The following KBTBD11 variants were observed in gnomAD, a reference collection of about 807,000 sequenced individuals.
The protein encoded by KBTBD11 is kelch repeat and BTB domain-containing protein 11.
For missense variants in KBTBD11, 1,390 were observed against 1,001.8 expected (o/e 1.39, Z -5.23); for synonymous variants, 747 against 499.0 (o/e 1.50, Z -6.63).
intron 1 of KBTBD11, among the ~76,000 whole-genome samples, chr8:1,997,513 T>C (rs1473335269): frequency 6.6e-6 from 1 of 152,258 alleles, no homozygotes; most frequent in Non-Finnish European, 1.5e-5. Flanking sequence ...ACGTCCATTC[T>C]GCAGGGAGAC....
Position 2,001,233 on chromosome 8 carries a change from C to G in KBTBD11, c.41C>G (p.Thr14Ser), listed in dbSNP as rs1470480135. Residue 14 changes from threonine to serine, a missense_variant, in exon 2 of 2, where the codon ACT becomes AGT. By Grantham distance (58) the Thr-to-Ser change is moderately conservative. Coordinates refer to ENST00000320248, the MANE Select transcript of KBTBD11 (RefSeq NM_014867.3). ...GCCCCCTGCGTCCTCTACCCAGGGA[C>G]TGAGCCCGGGGCTGCCGGGGAGAGC... is the stretch of plus-strand genomic sequence containing the variant. ...AVAPCVLYPG[T>S]EPGAAGESES... 2 of 1,475,618 alleles carry G rather than the reference C, an allele frequency of 1.4e-6. No homozygotes were observed. Among genetic ancestry groups the G allele is most frequent in the South Asian group, 1.3e-5 (1 of 76,966 alleles). The allele number at this position is 1,475,618 out of a possible 1,614,324, so 91.4% of individuals were successfully genotyped here.
In KBTBD11 at chr8:1,988,371, C is replaced by T. The variant is rs192530304; in HGVS notation, c.-908-11914C>T. ...CAACAGTGTAAAAGCGTTCCTGTTT[C>T]TCCACATCCTCTCCAGCACCTGTTG... is the stretch of plus-strand genomic sequence containing the variant. On this transcript the variant is annotated intron_variant, in intron 1 of 1. Coordinates refer to ENST00000320248, the MANE Select transcript of KBTBD11 (RefSeq NM_014867.3). 2.2e-3 allele frequency among the ~76,000 whole-genome samples: 330 copies of T among 152,336 alleles called. 2 individuals carry two copies. Among genetic ancestry groups the T allele is most frequent in the South Asian group, 0.02 (98 of 4,818 alleles).
rs1337787423 is a variant in KBTBD11, at chr8:2,006,123, G to C, written c.*3059G>C. The C allele has an allele frequency of 6.0e-6, 1 of 167,032 alleles. No individual in the cohort carries two copies. The allele number at this position is 167,032 out of a possible 1,614,324, so 10.3% of individuals were successfully genotyped here. A position where few individuals can be genotyped will look rare whatever the true frequency, so the allele number is the denominator to read the frequency against. ...TTCTTTGGCTACTTAACTAAAACTC[G>C]TGACTGTATAAGTTTGGCTACAAAT... On this transcript the variant is annotated 3_prime_UTR_variant, in exon 2 of 2. Transcript: ENST00000320248.
At chr8:1,975,977 G>A (rs1480048872) in intron 1 of KBTBD11, 2 of 152,232 alleles carry the variant, frequency 1.3e-5, no homozygotes, top group Non-Finnish European at 2.9e-5. Flanking sequence ...CCGTGCTGTG[G>A]ACGCCTCCAT....
At position 2,003,260 on chromosome 8, in the gene KBTBD11, G is replaced by T; in HGVS notation, c.*196G>T. On this transcript the variant is annotated 3_prime_UTR_variant, in exon 2 of 2. Transcript: ENST00000320248. The stretch of plus-strand genomic sequence containing the variant: ...CTTTTGCTTGTCTTTGCTTCTGGGG[G>T]TGGATGCCTTGAGACCCAGGAGGTG... 1 of 891,386 alleles carries T rather than the reference G, an allele frequency of 1.1e-6. No individual in the cohort carries two copies. The highest frequency in any genetic ancestry group is 1.5e-6 in the Non-Finnish European group (1 of 666,860). The allele number at this position is 891,386 out of a possible 1,614,324, so 55.2% of individuals were successfully genotyped here.
intron 1 of KBTBD11, among the ~76,000 whole-genome samples, chr8:1,988,783 G>T (rs528399792): frequency 6.6e-6 from 1 of 152,004 alleles, no homozygotes; most frequent in African/African-American, 2.4e-5. Context: ...CATTTTAGTA[G>T]CTGGCGCGCT....
chr8:2,000,158 C>A (rs2129315796), intron 1 of KBTBD11, 127 bp from the exon 2 acceptor site: 2 of 152,208 alleles, frequency 1.3e-5, no homozygotes, highest in South Asian at 4.1e-4. Context: ...AAAATCACAA[C>A]CCCTTTACAA....
Position 2,001,569 on chromosome 8 carries a change from C to T in KBTBD11, c.377C>T (p.Pro126Leu), listed in dbSNP as rs1426988244. The change falls in exon 2 of 2, where the codon CCC (proline) becomes CTC (leucine). Residue 126 changes from proline to leucine, a missense_variant. Physicochemically the swap from Pro to Leu is moderately conservative, Grantham distance 98 (BLOSUM62 -3). Transcript: ENST00000320248. ...DPASPEEPGE[P>L]APVPPGFGAV... ...GCGTCCCCCGAGGAGCCCGGGGAGC[C>T]CGCGCCCGTACCCCCGGGGTTCGGG... The T allele has an allele frequency of 2.1e-6, 3 of 1,445,534 alleles. No homozygotes were observed. Among genetic ancestry groups the T allele is most frequent in the African/African-American group, 1.5e-5 (1 of 67,014 alleles). The allele number at this position is 1,445,534 out of a possible 1,614,324, so 89.5% of individuals were successfully genotyped here. A position where few individuals can be genotyped will look rare whatever the true frequency, so the allele number is the denominator to read the frequency against.
chr8:1,982,539 G>C (rs925918716), intron 1 of KBTBD11, among the ~76,000 whole-genome samples: 1 of 152,178 alleles, frequency 6.6e-6, no homozygotes, highest in African/African-American at 2.4e-5. Flanking sequence ...GGAAACACAG[G>C]TTGAGAGTGA....
chr8:2,001,966 C>T lies in KBTBD11; in HGVS notation c.774C>T (p.Phe258=). The change falls in exon 2 of 2, where the codon TTC becomes TTT. Residue 258 remains phenylalanine, a synonymous_variant. Transcript: ENST00000320248. ...AGCTGCGCGACGCCGCCTACTGCTT[C>T]ATGAGCGACCACTATCTGGAGGTGC... ...LNELRDAAYC[F]MSDHYLEVLR... 1.4e-6 allele frequency: 2 copies of T among 1,471,532 alleles called. No homozygotes were observed. Among genetic ancestry groups the T allele is most frequent in the Non-Finnish European group, 1.8e-6 (2 of 1,108,290 alleles). 91.2% of individuals were successfully genotyped at this position (1,471,532 alleles called of 1,614,324 possible).
intron 1 of KBTBD11, among the ~76,000 whole-genome samples, chr8:1,992,289 G>A (rs567767071): frequency 5.3e-5 from 8 of 152,240 alleles, no homozygotes; most frequent in African/African-American, 1.9e-4. Flanking sequence ...TGTGGTAACT[G>A]ATGTCACCTG....
intron 1 of KBTBD11, 62 bp downstream of exon 1, chr8:1,973,997 G>A (rs1816216827): frequency 1.0e-6 from 1 of 981,588 alleles, no homozygotes; most frequent in South Asian, 4.7e-5. Context: ...AGCAGCCCGA[G>A]GCGCGGGTCG....
rs183820656 is a variant in KBTBD11 at position 2,000,755 on chromosome 8, G to T, written c.-438G>T. The T allele has an allele frequency of 1.3e-4, 21 of 165,332 alleles. 1 individual carries two copies. In the East Asian group the frequency reaches 3.2e-3, roughly 26 times the overall value. The allele number at this position is 165,332 out of a possible 1,614,324, so 10.2% of individuals were successfully genotyped here. On this transcript the variant is annotated 5_prime_UTR_variant, in exon 2 of 2. Coordinates refer to ENST00000320248, the MANE Select transcript of KBTBD11 (RefSeq NM_014867.3). ...GGTACTGCAGAGAGACACCTAGTCA[G>T]CCAGCGTTGCAAAGAGGGATAGCTA...
rs80061098 is a variant in KBTBD11 at position 1,976,919 on chromosome 8, A to G, written c.-909+2984A>G. ...AGTGAGGGGCGCTGGAGCAGGGTGT[A>G]GTAAAAGTGTAATGTCAGCCGATTT... On this transcript the variant is annotated intron_variant, in intron 1 of 1. Coordinates refer to ENST00000320248, the MANE Select transcript of KBTBD11 (RefSeq NM_014867.3). 1.2e-3 allele frequency among the ~76,000 whole-genome samples: 185 copies of G among 152,288 alleles called. 1 individual carries two copies. Among genetic ancestry groups the G allele is most frequent in the African/African-American group, 4.4e-3 (182 of 41,554 alleles).
chr8:2,003,048 A>G lies in KBTBD11; in HGVS notation c.1856A>G (p.Glu619Gly). 1 of 1,268,880 alleles carries G rather than the reference A, an allele frequency of 7.9e-7. No individual in the cohort carries two copies. The highest frequency in any genetic ancestry group is 4.1e-5 in the Admixed American group (1 of 24,116). 78.6% of individuals were successfully genotyped at this position (1,268,880 alleles called of 1,614,324 possible). A position where few individuals can be genotyped will look rare whatever the true frequency, so the allele number is the denominator to read the frequency against. Residue 619 changes from glutamate to glycine, a missense_variant, in exon 2 of 2, where the codon GAG becomes GGG. Physicochemically the swap from Glu to Gly is moderately conservative, Grantham distance 98. Transcript: ENST00000320248. ...CTGCCTGAGAAGCCGCCCCGAGGGGAGCAGGGCGCCCCGTAGGCCGGCGGG... is the reference window on the plus strand; with the variant it reads ...CTGCCTGAGAAGCCGCCCCGAGGGGGGCAGGGCGCCCCGTAGGCCGGCGGG... ...LSLPEKPPRG[E>G]QGAP
In KBTBD11 at chr8:2,006,675, A is replaced by T. The variant is rs911009249; in HGVS notation, c.*3611A>T. ...AAGTGGATGGATTTGGATTGAACGC[A>T]TATGAAACAGGAGACGGGTTCTCAT... On this transcript the variant is annotated 3_prime_UTR_variant, in exon 2 of 2. Transcript: ENST00000320248. 6.0e-6 allele frequency: 1 copy of T among 167,132 alleles called. No individual in the cohort carries two copies. The highest frequency in any genetic ancestry group is 2.4e-5 in the African/African-American group (1 of 41,468). 10.4% of individuals were successfully genotyped at this position (167,132 alleles called of 1,614,324 possible). A position where few individuals can be genotyped will look rare whatever the true frequency, so the allele number is the denominator to read the frequency against.
rs1364668298 is a variant in KBTBD11 at position 1,985,890 on chromosome 8, C to T, written c.-909+11955C>T. On this transcript the variant is annotated intron_variant, in intron 1 of 1. Transcript: ENST00000320248. ...AGAGTTTGTAAAGAACGAATGATAA[C>T]ATCAGGTTGTTCCCATTCAGTCTCA... 2.9e-4 allele frequency among the ~76,000 whole-genome samples: 44 copies of T among 152,198 alleles called. 1 individual carries two copies. The highest frequency in any genetic ancestry group is 2.9e-3 in the Admixed American group (44 of 15,278).
chr8:1,999,433 T>C (rs1220072182), intron 1 of KBTBD11, among the ~76,000 whole-genome samples: 1 of 152,238 alleles, frequency 6.6e-6, no homozygotes, highest in Non-Finnish European at 1.5e-5. Flanking sequence ...CATTCTTTTC[T>C]TTAGAAGGCC....
chr8:1,996,344 G>A (rs1431140360), intron 1 of KBTBD11, among the ~76,000 whole-genome samples: 1 of 152,056 alleles, frequency 6.6e-6, no homozygotes, highest in African/African-American at 2.4e-5. Context: ...TCGGCTCACT[G>A]CAACCTCCGC....
Sources: gnomAD v4.1 joint callset for allele counts (sites outside exome capture counted in the v4.1 genomes callset) on GRCh38, gnomAD v4.1.1 for gene constraint, MANE v1.5 for transcripts, NCBI Gene and HGNC (gene_info 2026-07-23, HGNC 2026-07-21) for gene names.